The following CLIP2 variants were observed in gnomAD, a reference collection of about 807,000 sequenced individuals.
The protein encoded by CLIP2 is CAP-Gly domain-containing linker protein 2.
In CLIP2, 41 loss-of-function variants were observed where a neutral mutation model predicts 111.7. The observed-to-expected ratio is 0.37, with a 90% confidence interval of 0.29 to 0.48. The LOEUF (loss-of-function observed/expected upper bound fraction) is 0.48, where lower values mean the gene tolerates loss of function less well. Among genes scored for constraint, CLIP2 ranks in the 20% least tolerant of loss-of-function variants. CLIP2 has a pLI of 0.99. For synonymous variants in CLIP2, 660 were observed against 644.2 expected (o/e 1.02, Z -0.37); for missense variants, 1,160 against 1,422.1 (o/e 0.82, Z 2.96).
chr7:74,360,291 C>T lies in CLIP2; in HGVS notation c.1319+13C>T. ...AGGAGGAGAGGAGGTACGTGCTGGC[C>T]CACCCTCGCCCTGGCCCTGAGTCCC... On this transcript the variant is annotated intron_variant, in intron 7 of 16. Transcript: ENST00000223398. The T allele has an allele frequency of 6.4e-7, 1 of 1,568,014 alleles. No individual in the cohort carries two copies. The highest frequency in any genetic ancestry group is 8.7e-7 in the Non-Finnish European group (1 of 1,152,672).
Position 74,404,075 on chromosome 7 carries a change from G to A in CLIP2, c.*227G>A, listed in dbSNP as rs1791699512. 1.5e-5 allele frequency: 8 copies of A among 537,394 alleles called. No individual in the cohort carries two copies. The highest frequency in any genetic ancestry group is 1.0e-3 in the Middle Eastern group (2 of 1,958). The allele number at this position is 537,394 out of a possible 1,614,324, so 33.3% of individuals were successfully genotyped here. Reference sequence around the variant, plus strand: ...CAGAGAGTGTGAACGGTACAGCCCCGGCCTGACCCGGGGACCTTCAGCCTG... The same window carrying A: ...CAGAGAGTGTGAACGGTACAGCCCCAGCCTGACCCGGGGACCTTCAGCCTG... On this transcript the variant is annotated 3_prime_UTR_variant, in exon 17 of 17. Coordinates refer to ENST00000223398, the MANE Select transcript of CLIP2 (RefSeq NM_003388.5).
At chr7:74,339,112 A>AG in intron 3 of CLIP2, 108 bp downstream of exon 3, 1 of 1,046,514 alleles carries the variant, frequency 9.6e-7, no homozygotes, top group Non-Finnish European at 1.4e-6. Flanking sequence ...GGGGACTCGA[A>AG]GGGGGCTCGG....
intron 8 of CLIP2, 149 bp from the exon 9 acceptor site, chr7:74,372,783 G>C: frequency 3.2e-6 from 2 of 626,144 alleles, no homozygotes; most frequent in Non-Finnish European, 5.6e-6. Flanking sequence ...TCTGGCTCAT[G>C]AATCTACTCT....
At chr7:74,293,281 G>A (rs920261357) in intron 1 of CLIP2, among the ~76,000 whole-genome samples, 20 of 152,236 alleles carry the variant, frequency 1.3e-4, no homozygotes, top group African/African-American at 4.6e-4. Context: ...CCGGGACCCC[G>A]GAAGCTGGCA....
intron 14 of CLIP2, among the ~76,000 whole-genome samples, chr7:74,400,106 C>T (rs1288036744): frequency 2.0e-5 from 3 of 148,662 alleles, no homozygotes; most frequent in Non-Finnish European, 4.4e-5. Context: ...CCCAAGATCG[C>T]GCCACTGCAC....
chr7:74,314,394 G>A (rs889694136), intron 1 of CLIP2, among the ~76,000 whole-genome samples: 9 of 152,070 alleles, frequency 5.9e-5, no homozygotes, highest in Non-Finnish European at 1.0e-4. Flanking sequence ...AGGGGACTGA[G>A]GCAAGAGAAT....
intron 2 of CLIP2, among the ~76,000 whole-genome samples, chr7:74,337,986 CCA>C (rs570475165): frequency 8.6e-4 from 131 of 152,222 alleles, no homozygotes; most frequent in African/African-American, 3.1e-3. Context: ...CTGCCCAAGA[CCA>C]CACAGCCAAC....
chr7:74,301,769 C>G (rs1464158733), intron 1 of CLIP2, among the ~76,000 whole-genome samples: 3 of 146,158 alleles, frequency 2.1e-5, no homozygotes, highest in African/African-American at 7.6e-5. Flanking sequence ...CTGGAGTGCG[C>G]TGGCGTGATC....
intron 2 of CLIP2, among the ~76,000 whole-genome samples, chr7:74,332,137 G>A (rs1483299067): frequency 9.9e-5 from 15 of 151,850 alleles, no homozygotes; most frequent in Non-Finnish European, 1.8e-4. Flanking sequence ...GAAGTGATGC[G>A]ATCTCGGCTC....
rs1402093287 is a variant in CLIP2 at position 74,348,176 on chromosome 7, A to G, written c.679-5704A>G. 3.3e-5 allele frequency among the ~76,000 whole-genome samples: 5 copies of G among 152,254 alleles called. No homozygotes were observed. In the East Asian group the frequency reaches 7.7e-4, roughly 23 times the overall value. Reference sequence around the variant, plus strand: ...CAGAGTGACTCCATTTCAAAAAAAAACAAAAACAGGAGCCAAAAGAGAAGA... The same window carrying G: ...CAGAGTGACTCCATTTCAAAAAAAAGCAAAAACAGGAGCCAAAAGAGAAGA... On this transcript the variant is annotated intron_variant, in intron 3 of 16. Transcript: ENST00000223398.
At chr7:74,393,633 G>A (rs1343475311) in intron 13 of CLIP2, among the ~76,000 whole-genome samples, 1 of 152,170 alleles carries the variant, frequency 6.6e-6, no homozygotes, top group Non-Finnish European at 1.5e-5. Context: ...ACTCTGCCGG[G>A]CCCAGCATTT....
At chr7:74,367,391 C>T (rs969903205) in intron 8 of CLIP2, among the ~76,000 whole-genome samples, 6 of 152,064 alleles carry the variant, frequency 3.9e-5, no homozygotes, top group Non-Finnish European at 7.4e-5. Flanking sequence ...GAGGTTTCAC[C>T]GTGTTAGCCA....
chr7:74,360,230 TGC>T lies in CLIP2; in HGVS notation c.1273_1274del (p.Arg425GlufsTer93). 1 of 1,607,944 alleles carries T rather than the reference TGC, an allele frequency of 6.2e-7. No homozygotes were observed. Among genetic ancestry groups the T allele is most frequent in the Non-Finnish European group, 8.5e-7 (1 of 1,177,462 alleles). On this transcript the variant is annotated frameshift_variant, in exon 7 of 17. Coordinates refer to ENST00000223398, the MANE Select transcript of CLIP2 (RefSeq NM_003388.5). LOFTEE classifies it high-confidence loss of function. ...CGAGCCCGGCTGCTCGTGGAGAGCG[TGC>T]GGAAAGAGAAGGTGGACCTGTCCAA...
chr7:74,300,348 A>G (rs1358472786), intron 1 of CLIP2, among the ~76,000 whole-genome samples: 1 of 151,874 alleles, frequency 6.6e-6, no homozygotes, highest in Non-Finnish European at 1.5e-5. Flanking sequence ...ATGTATACCC[A>G]CTGTTTAGCT....
chr7:74,312,930 C>T (rs1379906326), intron 1 of CLIP2, among the ~76,000 whole-genome samples: 4 of 152,064 alleles, frequency 2.6e-5, no homozygotes, highest in Admixed American at 1.3e-4. Context: ...TGCCCTCACG[C>T]ACATTCCTGA....
At chr7:74,337,933 C>T (rs1292397827) in intron 2 of CLIP2, among the ~76,000 whole-genome samples, 3 of 152,064 alleles carry the variant, frequency 2.0e-5, no homozygotes, top group African/African-American at 7.2e-5. Flanking sequence ...TTCCTGGGGA[C>T]GCTCTGGAGG....
At position 74,357,451 on chromosome 7, in the gene CLIP2, G is replaced by A. The variant is rs782290367; in HGVS notation, c.1189G>A (p.Ala397Thr). Reference protein sequence around the residue: ...SHICEVEKEIALLKAQHEQYV... With the variant: ...SHICEVEKEITLLKAQHEQYV... ...CATCTGCGAGGTGGAGAAGGAGATT[G>A]CCCTGCTCAAGGCACAGCATGAGCA... The change falls in exon 6 of 17, where the codon GCC becomes ACC. Residue 397 changes from alanine (A) to threonine (T), a missense_variant. Transcript: ENST00000223398. 6.2e-7 allele frequency: 1 copy of A among 1,613,788 alleles called. No individual in the cohort carries two copies.
chr7:74,305,420 C>T (rs1285435537), intron 1 of CLIP2, among the ~76,000 whole-genome samples: 2 of 152,156 alleles, frequency 1.3e-5, no homozygotes, highest in Admixed American at 6.6e-5. Context: ...TTTGAGTTCT[C>T]TGCTGCAGCC....
At position 74,375,911 on chromosome 7, in the gene CLIP2, C is replaced by G; in HGVS notation, c.1510C>G (p.Arg504Gly). The G allele has an allele frequency of 6.3e-7, 1 of 1,577,186 alleles. No homozygotes were observed. The highest frequency in any genetic ancestry group is 2.3e-5 in the East Asian group (1 of 43,142). Residue 504 changes from arginine to glycine, a missense_variant, in exon 10 of 17, where the codon CGC (arginine) becomes GGC (glycine). Around this residue, in one of 5 missense-constraint regions of CLIP2, gnomAD observed 676 missense variants for 777.8 expected, o/e 0.87. Coordinates refer to ENST00000223398, the MANE Select transcript of CLIP2 (RefSeq NM_003388.5). ...GCTGACCACAGTGGCCGAGAAGTCGCGCGTGCTGCAGCTGGAGGAGGAGCT... is the reference window on the plus strand; with the variant it reads ...GCTGACCACAGTGGCCGAGAAGTCGGGCGTGCTGCAGCTGGAGGAGGAGCT... The part of the protein sequence containing the change: ...NRLTTVAEKS[R>G]VLQLEEELTL...
Sources: allele counts gnomAD v4.1 joint callset (sites outside exome capture counted in the v4.1 genomes callset), GRCh38; gene constraint gnomAD v4.1.1; regional missense constraint gnomAD v4.1.1; transcripts MANE v1.5; gene names NCBI Gene and HGNC (gene_info 2026-07-23, HGNC 2026-07-21).